Variants in PPP2R2B observed in about 807,000 individuals in gnomAD.
PPP2R2B encodes the protein protein phosphatase 2 regulatory subunit Bbeta.
In PPP2R2B, 5 loss-of-function variants were observed where a neutral mutation model predicts 46.0. That is an observed-to-expected ratio of 0.11 (90% CI 0.06 to 0.23). The LOEUF is 0.23. Among genes scored for constraint, PPP2R2B ranks in the 10% least tolerant of loss-of-function variants. The pLI is 1.00. For synonymous variants in PPP2R2B, 215 were observed against 206.7 expected, an observed-to-expected ratio of 1.04 and a Z score of -0.34; for missense variants, 367 against 575.0, an observed-to-expected ratio of 0.64 and a Z score of 3.70.
chr5:146,716,216 C>T (rs1362682079), intron 2 of PPP2R2B, among the ~76,000 whole-genome samples: 1 of 152,118 alleles, frequency 6.6e-6, no homozygotes, highest in East Asian at 1.9e-4. Context: ...CAAATGTCAC[C>T]TATTCCATGA....
At chr5:146,880,701 C>A (rs1001484394), upstream of PPP2R2B, among the ~76,000 whole-genome samples, 2 of 152,182 alleles carry the variant, frequency 1.3e-5, no homozygotes, top group South Asian at 4.1e-4. Flanking sequence ...ATTGGCCAGG[C>A]TGTGCTTGAG....
At chr5:147,035,220 C>T (rs773052598) in intron 1 of PPP2R2B, 21 of 430,580 alleles carry the variant, frequency 4.9e-5, no homozygotes, top group African/African-American at 1.2e-4. Context: ...TGGCAGAAGG[C>T]GAAGGGGAAG....
At chr5:147,069,285 G>C (rs765587735) in intron 2 of PPP2R2B, among the ~76,000 whole-genome samples, 3 of 152,180 alleles carry the variant, frequency 2.0e-5, no homozygotes, top group Non-Finnish European at 2.9e-5. Context: ...AAAACAAAAA[G>C]AGTTGAGTTT....
chr5:146,791,542 C>T (rs150069743), intron 2 of PPP2R2B, among the ~76,000 whole-genome samples: 1,684 of 152,130 alleles, frequency 0.011, 18 homozygotes, highest in Non-Finnish European at 0.019. Context: ...AGAGTTAGGT[C>T]CAGATTTTCA....
chr5:146,844,380 T>C (rs954896661), intron 2 of PPP2R2B, among the ~76,000 whole-genome samples: 1 of 142,780 alleles, frequency 7.0e-6, no homozygotes, highest in Non-Finnish European at 1.5e-5. Context: ...TAAAAAAAAA[T>C]ATATACTGAA....
intron 1 of PPP2R2B, among the ~76,000 whole-genome samples, chr5:146,978,733 C>A (rs1163022091): frequency 1.3e-5 from 2 of 152,090 alleles, no homozygotes; most frequent in African/African-American, 4.8e-5. Context: ...GTCTATATAT[C>A]TGTTTCAGTA....
intron 1 of PPP2R2B, among the ~76,000 whole-genome samples, chr5:146,964,545 A>T (rs1752318467): frequency 6.6e-6 from 1 of 151,908 alleles, no homozygotes; most frequent in Non-Finnish European, 1.5e-5. Context: ...TTTTATTTTT[A>T]TACGGAGTCT....
rs537748658 is a variant in PPP2R2B at position 146,762,485 on chromosome 5, A to AT, written c.71-61344dup. Among the ~76,000 whole-genome samples the AT allele has an allele frequency of 1.2e-4, 19 of 152,346 alleles. 1 individual carries two copies. The South Asian group carries it at 3.7e-3, about 30-fold the overall frequency. ...CTCAGTTCTGTTCACTACTCTTTCTATTCAAGGTGCTGTGCTAAGATTTTG... is the reference window on the plus strand; with the variant it reads ...CTCAGTTCTGTTCACTACTCTTTCTATTTCAAGGTGCTGTGCTAAGATTTTG... On this transcript the variant is annotated intron_variant, in intron 2 of 9. Transcript: ENST00000394411.
chr5:146,877,053 T>C (rs910926091), intron 2 of PPP2R2B, among the ~76,000 whole-genome samples: 5 of 152,346 alleles, frequency 3.3e-5, no homozygotes, highest in Middle Eastern at 3.4e-3. Context: ...AATGTGATAA[T>C]GCAACACTTT....
In PPP2R2B at chr5:146,580,909, T is replaced by A. The variant is rs1769863213; in HGVS notation, c.*9038A>T. 6.6e-6 allele frequency among the ~76,000 whole-genome samples: 1 copy of A among 152,098 alleles called. No homozygotes were observed. The highest frequency in any genetic ancestry group is 1.5e-5 in the Non-Finnish European group (1 of 67,998). On this transcript the variant is annotated 3_prime_UTR_variant, in exon 10 of 10. Coordinates refer to ENST00000394411, the MANE Select transcript of PPP2R2B (RefSeq NM_181675.4). ...GGTCAAAGTGAAGAGCTTCTTTGAG[T>A]CATGATCCATGCCTGAAATGGTATT...
At chr5:146,592,626 T>C (rs167723) in intron 9 of PPP2R2B, among the ~76,000 whole-genome samples, 1 of 152,160 alleles carries the variant, frequency 6.6e-6, no homozygotes, top group African/African-American at 2.4e-5. Context: ...CTACTTGGCA[T>C]TAATCTGAAC....
At chr5:146,892,468 C>T (rs930392152) in intron 1 of PPP2R2B, among the ~76,000 whole-genome samples, 1 of 152,166 alleles carries the variant, frequency 6.6e-6, no homozygotes, top group Non-Finnish European at 1.5e-5. Flanking sequence ...CACACATGCA[C>T]GTGAGCACCT....
At chr5:146,644,104 G>A (rs1233405827) in intron 6 of PPP2R2B, among the ~76,000 whole-genome samples, 1 of 151,890 alleles carries the variant, frequency 6.6e-6, no homozygotes, top group Non-Finnish European at 1.5e-5. Flanking sequence ...ATTGTTTATT[G>A]CTAAAGTAAT....
chr5:146,635,241 T>C lies in PPP2R2B; in HGVS notation c.790+3010A>G, dbSNP rs73310555. Among the ~76,000 whole-genome samples the C allele has an allele frequency of 7.0e-3, 1,064 of 152,268 alleles. 16 individuals carry two copies. Among genetic ancestry groups the C allele is most frequent in the African/African-American group, 0.024 (1,009 of 41,534 alleles). Reference sequence around the variant, plus strand: ...ACTGAGTATCAGAGCTGAGTTCTGATTCCAAAGCATCTGCTCTAAATCACT... The same window carrying C: ...ACTGAGTATCAGAGCTGAGTTCTGACTCCAAAGCATCTGCTCTAAATCACT... On this transcript the variant is annotated intron_variant, in intron 7 of 9. Coordinates refer to ENST00000394411, the MANE Select transcript of PPP2R2B (RefSeq NM_181675.4).
chr5:146,820,154 T>A (rs1025697386), intron 2 of PPP2R2B, among the ~76,000 whole-genome samples: 1 of 152,174 alleles, frequency 6.6e-6, no homozygotes, highest in African/African-American at 2.4e-5. Context: ...GTGACTATAG[T>A]TAACAATAAG....
chr5:146,804,903 C>A (rs1757082368), intron 2 of PPP2R2B, among the ~76,000 whole-genome samples: 1 of 152,070 alleles, frequency 6.6e-6, no homozygotes, highest in African/African-American at 2.4e-5. Flanking sequence ...GGGTTCACAT[C>A]CAGAAATGAA....
chr5:146,688,090 C>T (rs1194757147), intron 5 of PPP2R2B, among the ~76,000 whole-genome samples: 3 of 151,594 alleles, frequency 2.0e-5, no homozygotes, highest in African/African-American at 7.3e-5. Context: ...CCACTGGGAT[C>T]AAAAAGAAAA....
At chr5:146,830,502 T>C (rs1396575471) in intron 2 of PPP2R2B, among the ~76,000 whole-genome samples, 1 of 151,458 alleles carries the variant, frequency 6.6e-6, no homozygotes, top group Non-Finnish European at 1.5e-5. Context: ...ATAGTATTTT[T>C]AACCAATAGT....
upstream of PPP2R2B, among the ~76,000 whole-genome samples, chr5:147,058,674 A>T (rs77255134): frequency 7.3e-3 from 1,111 of 152,246 alleles, 18 homozygotes; most frequent in African/African-American, 0.026. Context: ...CTATCTACCC[A>T]CATGCAGAAT....
Sources: gnomAD v4.1 joint callset for allele counts (sites outside exome capture counted in the v4.1 genomes callset) on GRCh38, gnomAD v4.1.1 for gene constraint, MANE v1.5 for transcripts, NCBI Gene and HGNC (gene_info 2026-07-23, HGNC 2026-07-21) for gene names.